The following DPY30 variants were observed in gnomAD, a reference collection of about 807,000 sequenced individuals.
The protein encoded by DPY30 is protein dpy-30 homolog.
DPY30 carries 6 observed loss-of-function variants against 16.2 expected under a neutral mutation model. The ratio of observed to expected loss-of-function variants is 0.37; its 90% CI spans 0.20 to 0.73. DPY30 has a LOEUF of 0.73. Among genes scored for constraint, DPY30 ranks in the 30% least tolerant of loss-of-function variants. The probability of loss-of-function intolerance (pLI) is 0.51; values close to 1 mark genes in which losing one functional copy is unlikely to be tolerated. For synonymous variants in DPY30, 39 were observed against 38.8 expected (o/e 1.00, Z -0.02); for missense variants, 73 against 113.1 (o/e 0.65, Z 1.61).
At chr2:32,012,480 G>A (rs1468139512) in intron 5 of DPY30, among the ~76,000 whole-genome samples, 2 of 136,476 alleles carry the variant, frequency 1.5e-5, no homozygotes, top group Non-Finnish European at 1.5e-5. Context: ...ACCCAGGCTG[G>A]AGTGCAGTGG....
At chr2:32,026,649 G>T (rs886586934) in intron 4 of DPY30, among the ~76,000 whole-genome samples, 1 of 151,818 alleles carries the variant, frequency 6.6e-6, no homozygotes, top group Non-Finnish European at 1.5e-5. Context: ...AAATTAGCCA[G>T]GCACGATGGC....
chr2:32,032,344 T>C, intron 3 of DPY30, among the ~76,000 whole-genome samples: 1 of 152,232 alleles, frequency 6.6e-6, no homozygotes, highest in East Asian at 1.9e-4. Flanking sequence ...AACTGAGCCT[T>C]TGTAAAAGTT....
intron 3 of DPY30, among the ~76,000 whole-genome samples, chr2:32,031,365 A>G (rs1214866462): frequency 6.6e-6 from 1 of 151,660 alleles, no homozygotes; most frequent in East Asian, 1.9e-4. Flanking sequence ...GGTTGCAATG[A>G]GCCGAGATCA....
chr2:32,035,545 G>A (rs949821786), intron 3 of DPY30, among the ~76,000 whole-genome samples: 3 of 150,386 alleles, frequency 2.0e-5, no homozygotes, highest in South Asian at 2.1e-4. Context: ...AGCCAAGATC[G>A]CGCCACTGCA....
chr2:32,039,657 C>T, intron 1 of DPY30, 76 bp downstream of exon 1: 2 of 632,676 alleles, frequency 3.2e-6, no homozygotes, highest in Non-Finnish European at 2.8e-6. Flanking sequence ...TGGGCGCCTA[C>T]ATGGGGTCTG....
chr2:32,024,653 A>G (rs1675265847), intron 4 of DPY30, among the ~76,000 whole-genome samples: 1 of 152,204 alleles, frequency 6.6e-6, no homozygotes, highest in Non-Finnish European at 1.5e-5. Context: ...AAATTCATCA[A>G]GCTGTATACC....
chr2:32,020,968 TAA>T (rs373768556), downstream of DPY30: 32 of 139,194 alleles, frequency 2.3e-4, no homozygotes, highest in Middle Eastern at 3.6e-3. Flanking sequence ...CCTCACCTCT[TAA>T]AAAAAAAAAA....
intron 5 of DPY30, among the ~76,000 whole-genome samples, chr2:32,015,943 G>A (rs1675056909): frequency 6.6e-6 from 1 of 151,866 alleles, no homozygotes; most frequent in Admixed American, 6.6e-5. Context: ...CCCAGGGAGT[G>A]CACTGGCGCA....
At chr2:32,013,248 G>T (rs533472209) in intron 5 of DPY30, 5 of 152,226 alleles carry the variant, frequency 3.3e-5, no homozygotes, top group Non-Finnish European at 5.9e-5. Flanking sequence ...AGCAACAATC[G>T]TAAGTCTCAT....
At chr2:32,031,369 G>A (rs486754) in intron 3 of DPY30, among the ~76,000 whole-genome samples, 3,192 of 150,350 alleles carry the variant, frequency 0.021, 50 homozygotes, top group African/African-American at 0.044. Context: ...GCAATGAGCC[G>A]AGATCACACC....
chr2:32,028,466 G>A (rs1385976083), intron 4 of DPY30, among the ~76,000 whole-genome samples: 4 of 152,128 alleles, frequency 2.6e-5, no homozygotes, highest in African/African-American at 9.7e-5. Context: ...AAATACTGGG[G>A]AAAACATGTT....
chr2:32,034,790 G>A (rs1188557992), intron 3 of DPY30, among the ~76,000 whole-genome samples: 1 of 152,026 alleles, frequency 6.6e-6, no homozygotes, highest in Non-Finnish European at 1.5e-5. Flanking sequence ...CCTTAGGTCA[G>A]GAGTTTGAGA....
intron 3 of DPY30, among the ~76,000 whole-genome samples, chr2:32,038,266 C>T (rs1446575368): frequency 6.6e-6 from 1 of 151,090 alleles, no homozygotes; most frequent in Non-Finnish European, 1.5e-5. Flanking sequence ...CCTCAGCCTC[C>T]CGAGTAGCTG....
At chr2:32,029,483 A>G in intron 4 of DPY30, 111 bp downstream of exon 4, 1 of 1,291,808 alleles carries the variant, frequency 7.7e-7, no homozygotes, top group South Asian at 1.5e-5. Flanking sequence ...AAAAACTTTA[A>G]CATCCATAAA....
intron 3 of DPY30, among the ~76,000 whole-genome samples, chr2:32,038,410 G>GGA (rs1491219616): frequency 7.6e-5 from 2 of 26,216 alleles, no homozygotes; most frequent in East Asian, 1.9e-3. Context: ...CTTATTTTGA[G>GGA]GGGGGGGGGG....
rs998681029 is a variant in DPY30 at position 32,029,501 on chromosome 2, G to C, written c.227+93C>G. 5.3e-5 allele frequency: 76 copies of C among 1,438,744 alleles called. No individual in the cohort carries two copies. The South Asian group carries it at 9.7e-4, about 18-fold the overall frequency. 89.1% of individuals were successfully genotyped at this position (1,438,744 alleles called of 1,614,324 possible). A position where few individuals can be genotyped will look rare whatever the true frequency, so the allele number is the denominator to read the frequency against. On this transcript the variant is annotated intron_variant, in intron 4 of 4. Coordinates refer to ENST00000342166, the MANE Select transcript of DPY30 (RefSeq NM_001321209.2). ...AACTTTAACATCCATAAATCACACA[G>C]TAAAAAGTCGCTATACATAACTATG...
At chr2:32,022,084 C>T (rs914556618), downstream of DPY30, among the ~76,000 whole-genome samples, 1 of 152,034 alleles carries the variant, frequency 6.6e-6, no homozygotes, top group Non-Finnish European at 1.5e-5. Flanking sequence ...GTGGCATGCA[C>T]CTGTAGTCTC....
At chr2:32,013,967 C>G (rs1316667339) in intron 5 of DPY30, among the ~76,000 whole-genome samples, 1 of 149,902 alleles carries the variant, frequency 6.7e-6, no homozygotes, top group Non-Finnish European at 1.5e-5. Flanking sequence ...GAGATCATGC[C>G]ATTGCACTCC....
At position 32,014,125 on chromosome 2, in the gene DPY30, A is replaced by T. The variant is rs1675019543; in HGVS notation, n.378-2073T>A. On this transcript the variant is annotated intron_variant and non_coding_transcript_variant, in intron 5 of 5. Coordinates refer to the DPY30 transcript ENST00000414013. ...GCATTCAGTAGTAGCAAACAACTAG[A>T]AACAACCACAATGTCCACCAATGTG... 2.0e-5 allele frequency among the ~76,000 whole-genome samples: 3 copies of T among 152,190 alleles called. No individual in the cohort carries two copies. The South Asian group carries it at 6.2e-4, about 32-fold the overall frequency.
Sources: gnomAD v4.1 joint callset for allele counts (sites outside exome capture counted in the v4.1 genomes callset) on GRCh38, gnomAD v4.1.1 for gene constraint, MANE v1.5 for transcripts, NCBI Gene and HGNC (gene_info 2026-07-23, HGNC 2026-07-21) for gene names.